Variants in CCDC93 observed in about 807,000 individuals in gnomAD.
CCDC93 encodes the protein coiled-coil domain-containing protein 93.
In CCDC93, 61 loss-of-function variants were observed where a neutral mutation model predicts 108.2. The ratio of observed to expected loss-of-function variants is 0.56; its 90% confidence interval spans 0.46 to 0.70. CCDC93 has a LOEUF of 0.70. Among genes scored for constraint, CCDC93 ranks in the 30% least tolerant of loss-of-function variants. The probability of loss-of-function intolerance (pLI) is 0.00; values close to 1 mark genes in which losing one functional copy is unlikely to be tolerated. For synonymous variants in CCDC93, 276 were observed against 260.4 expected (o/e 1.06, Z -0.58); for missense variants, 685 against 764.2 (o/e 0.90, Z 1.22).
At chr2:117,948,564 C>T (rs906625752) in intron 14 of CCDC93, among the ~76,000 whole-genome samples, 6 of 152,178 alleles carry the variant, frequency 3.9e-5, no homozygotes, top group Admixed American at 3.9e-4. Flanking sequence ...AAACAAGTTG[C>T]TTAAGGTCAT....
At chr2:117,928,068 C>G (rs915525044) in intron 23 of CCDC93, among the ~76,000 whole-genome samples, 31 of 146,048 alleles carry the variant, frequency 2.1e-4, no homozygotes, top group Admixed American at 3.4e-4. Context: ...ATGTAGAAAG[C>G]TGAAACTGGA....
At chr2:117,937,015 A>G (rs1678547717) in intron 20 of CCDC93, 2 of 451,368 alleles carry the variant, frequency 4.4e-6, no homozygotes, top group Non-Finnish European at 8.2e-6. Context: ...AGGGAACTGG[A>G]TCCCAGCTGA....
chr2:117,926,814 C>G (rs537059766), intron 23 of CCDC93, among the ~76,000 whole-genome samples: 2 of 151,782 alleles, frequency 1.3e-5, no homozygotes, highest in Non-Finnish European at 1.5e-5. Context: ...GAGACACAAC[C>G]AAAAAAGAGA....
intron 1 of CCDC93, among the ~76,000 whole-genome samples, chr2:118,009,776 C>T (rs916141970): frequency 2.0e-5 from 3 of 152,138 alleles, no homozygotes; most frequent in Non-Finnish European, 2.9e-5. Flanking sequence ...CTGTACTTCC[C>T]TTTTCGATCT....
Position 117,975,274 on chromosome 2 carries a change from C to A in CCDC93, c.664G>T (p.Asp222Tyr). ...CCTGCTGGAAGTGCCGTTTTCTTGT[C>A]CTCAGCCTGCAAGGGAAGATGTGAA... is the stretch of plus-strand genomic sequence containing the variant. ...SRQSKMEKAEDKKTALPAGLS... is the reference protein window; with the variant it reads ...SRQSKMEKAEYKKTALPAGLS... The change falls in exon 9 of 24, where the codon GAC becomes TAC. Residue 222 changes from aspartate (D) to tyrosine (Y), a missense_variant. By Grantham distance (160) the Asp-to-Tyr change is radical. Transcript: ENST00000376300. 6.2e-7 allele frequency: 1 copy of A among 1,612,288 alleles called. No individual in the cohort carries two copies. The highest frequency in any genetic ancestry group is 2.2e-5 in the East Asian group (1 of 44,872).
chr2:117,940,937 C>G (rs1678681900), intron 19 of CCDC93, among the ~76,000 whole-genome samples: 1 of 152,104 alleles, frequency 6.6e-6, no homozygotes, highest in African/African-American at 2.4e-5. Context: ...TGTGGCTGAC[C>G]AGGATGAGGG....
At chr2:117,966,546 T>C (rs1679581172) in intron 11 of CCDC93, among the ~76,000 whole-genome samples, 2 of 152,324 alleles carry the variant, frequency 1.3e-5, no homozygotes, top group East Asian at 3.9e-4. Flanking sequence ...GGGTCCAACT[T>C]AGTGAGTGAC....
At chr2:117,960,832 TACATG>T (rs1679368816) in intron 11 of CCDC93, among the ~76,000 whole-genome samples, 1 of 152,360 alleles carries the variant, frequency 6.6e-6, no homozygotes, top group South Asian at 2.1e-4. Context: ...TTCCAGATGT[TACATG>T]ACATGTGATA....
intron 13 of CCDC93, chr2:117,951,591 A>G (rs1351247523): frequency 2.7e-5 from 27 of 1,000,142 alleles, no homozygotes; most frequent in Non-Finnish European, 3.1e-5. Flanking sequence ...CAAATCGTCC[A>G]GGAAGTACGA....
rs747455487 is a variant in CCDC93, at chr2:117,970,045, C to T, written c.888+3863G>A. Among the ~76,000 whole-genome samples the T allele has an allele frequency of 2.6e-5, 4 of 152,292 alleles. No homozygotes were observed. The South Asian group carries it at 6.2e-4, about 24-fold the overall frequency. On this transcript the variant is annotated intron_variant, in intron 11 of 23. Transcript: ENST00000376300. ...GCAGCAATATACCCAACTTGTTCAA[C>T]CACAGATATGTTCCTAATTGAACAA...
chr2:117,949,671 T>C (rs1678989181), intron 13 of CCDC93: 15 of 793,808 alleles, frequency 1.9e-5, no homozygotes, highest in Non-Finnish European at 2.1e-5. Context: ...TTTTTGAATT[T>C]TGTACGATGT....
At chr2:117,933,679 C>T (rs1394606289) in intron 22 of CCDC93, among the ~76,000 whole-genome samples, 2 of 152,032 alleles carry the variant, frequency 1.3e-5, no homozygotes, top group African/African-American at 4.8e-5. Flanking sequence ...AGAGCAGGAC[C>T]CATTAAGGCA....
chr2:118,013,905 C>CCT (rs770611044), intron 1 of CCDC93, 49 bp downstream of exon 1: 3 of 1,502,834 alleles, frequency 2.0e-6, no homozygotes, highest in Non-Finnish European at 2.7e-6. Flanking sequence ...GCGGCTCGGC[C>CCT]CTCTCTTCAG....
intron 4 of CCDC93, chr2:117,999,120 T>C (rs940630275): frequency 6.6e-6 from 1 of 152,212 alleles, no homozygotes; most frequent in Non-Finnish European, 1.5e-5. Flanking sequence ...CTATTATTTA[T>C]TTCTATTTAA....
In CCDC93 at chr2:117,957,297, T is replaced by C. The variant is rs74966657; in HGVS notation, c.1005+1068A>G. ...TTATTGTCCAATGACTGTTGCTGAG[T>C]CAAACTTCCCAGCTTCCTCTTAGGT... On this transcript the variant is annotated intron_variant, in intron 12 of 23. Transcript: ENST00000376300. 9.0e-4 allele frequency among the ~76,000 whole-genome samples: 137 copies of C among 152,328 alleles called. 1 individual carries two copies. The East Asian group carries it at 0.024, about 27-fold the overall frequency.
rs180945596 is a variant in CCDC93 at position 117,940,428 on chromosome 2, G to C, written c.1522+761C>G. Among the ~76,000 whole-genome samples the C allele has an allele frequency of 1.8e-3, 273 of 152,350 alleles. 2 individuals are homozygous for C. The highest frequency in any genetic ancestry group is 6.2e-3 in the African/African-American group (257 of 41,576). On this transcript the variant is annotated intron_variant, in intron 19 of 23. Transcript: ENST00000376300. ...AAAGCTCATGGTTTGTTCAGAGGCAGTGTGTGGACTGGCAAGGCCAGAGTG... is the reference window on the plus strand; with the variant it reads ...AAAGCTCATGGTTTGTTCAGAGGCACTGTGTGGACTGGCAAGGCCAGAGTG...
chr2:117,954,878 C>T (rs769913315), intron 12 of CCDC93, among the ~76,000 whole-genome samples: 11 of 152,010 alleles, frequency 7.2e-5, no homozygotes, highest in Non-Finnish European at 1.3e-4. Flanking sequence ...TTATAGGCAT[C>T]TGGCATTTCC....
chr2:117,975,330 T>G, intron 8 of CCDC93, 50 bp from the exon 9 acceptor site: 1 of 1,334,220 alleles, frequency 7.5e-7, no homozygotes, highest in Non-Finnish European at 1.1e-6. Context: ...GGAGACTCAG[T>G]AGAGAAAGGA....
intron 7 of CCDC93, among the ~76,000 whole-genome samples, chr2:117,982,133 CT>C (rs1680165143): frequency 8.0e-6 from 1 of 125,732 alleles, no homozygotes; most frequent in African/African-American, 3.0e-5. Flanking sequence ...TATTCAAGGC[CT>C]AACTTTGAGT....
Sources: gnomAD v4.1 joint callset for allele counts (sites outside exome capture counted in the v4.1 genomes callset) on GRCh38, gnomAD v4.1.1 for gene constraint, MANE v1.5 for transcripts, NCBI Gene and HGNC (gene_info 2026-07-23, HGNC 2026-07-21) for gene names.